Variants in CTNNA3 observed in about 807,000 individuals in gnomAD.
CTNNA3 encodes the protein catenin alpha 3.
In CTNNA3, 76 loss-of-function variants were observed where a neutral mutation model predicts 95.7. The ratio of observed to expected loss-of-function variants is 0.79; its 90% CI spans 0.66 to 0.96. The LOEUF is 0.96. CTNNA3 is among the 40% of genes least tolerant of loss of function. The probability of loss-of-function intolerance (pLI) is 0.00; values close to 1 mark genes in which losing one functional copy is unlikely to be tolerated. For missense variants in CTNNA3, 1,191 were observed against 1,089.8 expected, an observed-to-expected ratio of 1.09 and a Z score of -1.31; for synonymous variants, 431 against 374.4, an observed-to-expected ratio of 1.15 and a Z score of -1.74.
chr10:67,751,907 G>A (rs1003727025), intron 1 of CTNNA3, among the ~76,000 whole-genome samples: 1 of 151,448 alleles, frequency 6.6e-6, no homozygotes, highest in Admixed American at 6.6e-5. Context: ...AAGAGGAGTG[G>A]GTACCATTCT....
chr10:67,305,233 G>A lies in CTNNA3; in HGVS notation c.580-85363C>T, dbSNP rs546245807. On this transcript the variant is annotated intron_variant, in intron 5 of 17. Coordinates refer to ENST00000433211, the MANE Select transcript of CTNNA3 (RefSeq NM_013266.4). ...GGAGCTTGCAGTGAGCCGAGATCGC[G>A]CCACTGCACTCCAGCCTGGGTGACA... Among the ~76,000 whole-genome samples the A allele has an allele frequency of 4.6e-5, 7 of 152,162 alleles. 1 individual carries two copies. In the South Asian group the frequency reaches 1.0e-3, roughly 23 times the overall value.
intron 7 of CTNNA3, among the ~76,000 whole-genome samples, chr10:67,109,118 G>A (rs61299234): frequency 2.0e-5 from 3 of 152,076 alleles, no homozygotes; most frequent in African/African-American, 7.2e-5. Context: ...ATGTAGAAAG[G>A]GTATATTGGG....
At chr10:66,627,561 T>C (rs547418402) in intron 9 of CTNNA3, among the ~76,000 whole-genome samples, 4 of 152,238 alleles carry the variant, frequency 2.6e-5, no homozygotes, top group Admixed American at 2.0e-4. Flanking sequence ...GCCAGAAACT[T>C]ATACCCTAAG....
intron 5 of CTNNA3, among the ~76,000 whole-genome samples, chr10:67,321,904 A>T (rs1841332068): frequency 6.6e-6 from 1 of 152,086 alleles, no homozygotes; most frequent in Non-Finnish European, 1.5e-5. Flanking sequence ...TCATTTGCTC[A>T]GGTGGAATAT....
intron 11 of CTNNA3, among the ~76,000 whole-genome samples, chr10:66,393,185 G>A (rs776139078): frequency 1.3e-5 from 2 of 152,100 alleles, no homozygotes; most frequent in African/African-American, 4.8e-5. Flanking sequence ...TCTGGAAATG[G>A]CAAAGCTACG....
chr10:66,511,111 G>C (rs1840641522), intron 11 of CTNNA3, among the ~76,000 whole-genome samples: 1 of 151,146 alleles, frequency 6.6e-6, no homozygotes, highest in Admixed American at 6.6e-5. Flanking sequence ...GTTCAATCTT[G>C]GTATTTTATA....
chr10:66,479,068 C>T (rs988386758), intron 11 of CTNNA3, among the ~76,000 whole-genome samples: 1 of 151,460 alleles, frequency 6.6e-6, no homozygotes, highest in Non-Finnish European at 1.5e-5. Context: ...ATGTAGAATT[C>T]GTTTTTGTAC....
At chr10:66,328,899 CACACATATAT>C (rs1296610207) in intron 12 of CTNNA3, among the ~76,000 whole-genome samples, 1 of 64,370 alleles carries the variant, frequency 1.6e-5, no homozygotes, top group Non-Finnish European at 3.6e-5. Flanking sequence ...CATACACACA[CACACATATAT>C]ACATATATAT....
intron 6 of CTNNA3, among the ~76,000 whole-genome samples, chr10:67,192,850 T>A (rs576836012): frequency 2.0e-5 from 3 of 151,910 alleles, no homozygotes; most frequent in African/African-American, 7.2e-5. Context: ...TACCTAAGCA[T>A]CTGCAGATGA....
At chr10:66,762,179 G>T (rs1332550923) in intron 9 of CTNNA3, among the ~76,000 whole-genome samples, 2 of 152,102 alleles carry the variant, frequency 1.3e-5, no homozygotes, top group East Asian at 1.9e-4. Context: ...TTTATTGGCA[G>T]AAGCCAGTAG....
At chr10:66,442,641 A>C (rs2093383530) in intron 11 of CTNNA3, among the ~76,000 whole-genome samples, 1 of 152,208 alleles carries the variant, frequency 6.6e-6, no homozygotes, top group South Asian at 2.1e-4. Context: ...CCTCAACACA[A>C]TAAGAATGAA....
At position 66,357,391 on chromosome 10, in the gene CTNNA3, C is replaced by T. The variant is rs192398908; in HGVS notation, c.1732+21761G>A. Among the ~76,000 whole-genome samples the T allele has an allele frequency of 1.0e-3, 157 of 152,060 alleles. 1 individual carries two copies. The South Asian group carries it at 0.02, about 20-fold the overall frequency. On this transcript the variant is annotated intron_variant, in intron 12 of 17. Coordinates refer to ENST00000433211, the MANE Select transcript of CTNNA3 (RefSeq NM_013266.4). ...ACCCTTTAAAGTGTACAATTCAGTG[C>T]GTTTTGGTATATTCACAAAGTTGTG...
intron 5 of CTNNA3, among the ~76,000 whole-genome samples, chr10:67,354,220 G>A (rs1842732662): frequency 6.6e-6 from 1 of 151,974 alleles, no homozygotes; most frequent in South Asian, 2.1e-4. Flanking sequence ...TTAGCCAAGG[G>A]GCCTGGGAGA....
chr10:67,315,481 A>T (rs910369224), intron 5 of CTNNA3, among the ~76,000 whole-genome samples: 4 of 152,194 alleles, frequency 2.6e-5, no homozygotes, highest in African/African-American at 9.6e-5. Context: ...ACTATAAACT[A>T]AACTGATAGG....
chr10:67,383,300 T>C (rs926409846), intron 5 of CTNNA3, among the ~76,000 whole-genome samples: 2 of 152,174 alleles, frequency 1.3e-5, no homozygotes, highest in African/African-American at 4.8e-5. Flanking sequence ...AAAGCCATGG[T>C]ACCTACCCCG....
At chr10:65,930,279 A>AT (rs2077232519) in intron 17 of CTNNA3, among the ~76,000 whole-genome samples, 1 of 151,784 alleles carries the variant, frequency 6.6e-6, no homozygotes, top group Admixed American at 6.6e-5. Context: ...GAAATTAATT[A>AT]TATAGGCAAC....
intron 11 of CTNNA3, among the ~76,000 whole-genome samples, chr10:66,460,512 G>T (rs188181540): frequency 2.7e-4 from 41 of 152,218 alleles, no homozygotes; most frequent in Admixed American, 2.6e-3. Flanking sequence ...AACCATGCTT[G>T]TTCTAGAAGG....
At chr10:66,052,846 A>T (rs990122350) in intron 15 of CTNNA3, among the ~76,000 whole-genome samples, 1 of 152,160 alleles carries the variant, frequency 6.6e-6, no homozygotes, top group East Asian at 1.9e-4. Flanking sequence ...GTATCTAAAT[A>T]AGTTTGGAGA....
intron 13 of CTNNA3, among the ~76,000 whole-genome samples, chr10:66,192,101 T>C (rs939303755): frequency 6.6e-6 from 1 of 152,158 alleles, no homozygotes; most frequent in Non-Finnish European, 1.5e-5. Context: ...TATTTCTTTA[T>C]AAATTACAGT....
Sources: gnomAD v4.1 joint callset for allele counts (sites outside exome capture counted in the v4.1 genomes callset) on GRCh38, gnomAD v4.1.1 for gene constraint, MANE v1.5 for transcripts, NCBI Gene and HGNC (gene_info 2026-07-23, HGNC 2026-07-21) for gene names.